The following ANKRD55 variants were observed in gnomAD, a reference collection of about 807,000 sequenced individuals.
ANKRD55 encodes the protein ankyrin repeat domain 55, also known as ankyrin repeat domain-containing protein 55.
Under a neutral mutation model 60.6 loss-of-function variants are expected in ANKRD55, and 41 were observed. That is an observed-to-expected ratio of 0.68 (90% CI 0.53 to 0.88). The LOEUF (loss-of-function observed/expected upper bound fraction) is 0.88, where lower values mean the gene tolerates loss of function less well. Among genes scored for constraint, ANKRD55 ranks in the 40% least tolerant of loss-of-function variants. The pLI, the probability that ANKRD55 is intolerant of heterozygous loss-of-function variation, is 0.00. For missense variants in ANKRD55, 732 were observed against 767.6 expected (o/e 0.95, Z 0.55); for synonymous variants, 264 against 290.3 (o/e 0.91, Z 0.92).
intron 5 of ANKRD55, among the ~76,000 whole-genome samples, chr5:56,167,592 G>T (rs1221199768): frequency 5.3e-5 from 8 of 152,210 alleles, no homozygotes; most frequent in Non-Finnish European, 1.2e-4. Context: ...AAAGCAGCTA[G>T]CATTGCCATA....
chr5:56,208,415 ATTTATTTATTT>A (rs1759570511), intron 2 of ANKRD55, among the ~76,000 whole-genome samples: 1 of 151,022 alleles, frequency 6.6e-6, no homozygotes, highest in Non-Finnish European at 1.5e-5. Context: ...TAAAAAAAAT[ATTTATTTATTT>A]ATTTATTTAT....
In ANKRD55 at chr5:56,139,376, A is replaced by T. The variant is rs537990281; in HGVS notation, c.612+4425T>A. 2.0e-5 allele frequency among the ~76,000 whole-genome samples: 3 copies of T among 152,328 alleles called. No individual in the cohort carries two copies. In the East Asian group the frequency reaches 5.8e-4, roughly 29 times the overall value. On this transcript the variant is annotated intron_variant, in intron 7 of 11. Coordinates refer to ENST00000341048, the MANE Select transcript of ANKRD55 (RefSeq NM_024669.3). Reference sequence around the variant, plus strand: ...CCCTTAGGTCCACAGTCTAGAAGGGAAGACACAGGCACCTCACCAATTTTA... The same window carrying T: ...CCCTTAGGTCCACAGTCTAGAAGGGTAGACACAGGCACCTCACCAATTTTA...
At position 56,220,198 on chromosome 5, in the gene ANKRD55, C is replaced by T. The variant is rs529739177; in HGVS notation, c.58+12658G>A. Among the ~76,000 whole-genome samples, 3 of 152,350 alleles carry T rather than the reference C, an allele frequency of 2.0e-5. No homozygotes were observed. In the East Asian group the frequency reaches 5.8e-4, roughly 29 times the overall value. ...TACTCTGGCAAGAGGCCCCCTCCCC[C>T]AGGACAGTTGGGTGGTCCTGTGGTG... On this transcript the variant is annotated intron_variant, in intron 2 of 11. Coordinates refer to ENST00000341048, the MANE Select transcript of ANKRD55 (RefSeq NM_024669.3).
In ANKRD55 at chr5:56,217,895, C is replaced by CAAA. The variant is rs113477709; in HGVS notation, c.58+14958_58+14960dup. ...TGGGTGACAGAGCGAGACTCCGTCTCAAAAAAAAAAAAAAAAAATTCATGA... is the reference window on the plus strand; with the variant it reads ...TGGGTGACAGAGCGAGACTCCGTCTCAAAAAAAAAAAAAAAAAAAAATTCATGA... On this transcript the variant is annotated intron_variant, in intron 2 of 11. Transcript: ENST00000341048. Among the ~76,000 whole-genome samples, 53 of 76,782 alleles carry CAAA rather than the reference C, an allele frequency of 6.9e-4. 1 individual carries two copies. Among genetic ancestry groups the CAAA allele is most frequent in the African/African-American group, 2.3e-3 (51 of 22,650 alleles). The allele number at this position is 76,782 out of a possible 152,430, so 50.4% of individuals were successfully genotyped here. A position where few individuals can be genotyped will look rare whatever the true frequency, so the allele number is the denominator to read the frequency against.
At chr5:56,193,355 G>C in intron 2 of ANKRD55, 1 of 773,180 alleles carries the variant, frequency 1.3e-6, no homozygotes. Context: ...TCATCCCTTT[G>C]TTTCAGAACA....
intron 2 of ANKRD55, among the ~76,000 whole-genome samples, chr5:56,230,414 A>G (rs1760224449): frequency 1.3e-5 from 2 of 152,200 alleles, no homozygotes; most frequent in South Asian, 2.1e-4. Flanking sequence ...AAGTACAGCC[A>G]ATGTGAGAAC....
intron 2 of ANKRD55, among the ~76,000 whole-genome samples, chr5:56,208,737 T>C (rs546778917): frequency 1.3e-5 from 2 of 152,308 alleles, no homozygotes; most frequent in Non-Finnish European, 2.9e-5. Flanking sequence ...GTGTGCTTTT[T>C]TTAAACAACT....
intron 6 of ANKRD55, among the ~76,000 whole-genome samples, chr5:56,147,629 C>T (rs115856633): frequency 0.034 from 5,127 of 151,652 alleles, 336 homozygotes; most frequent in African/African-American, 0.12. Flanking sequence ...CAAATCAAGA[C>T]CCAAATTACT....
At chr5:56,179,773 C>T (rs1162591343) in intron 3 of ANKRD55, among the ~76,000 whole-genome samples, 5 of 152,122 alleles carry the variant, frequency 3.3e-5, no homozygotes, top group African/African-American at 9.7e-5. Flanking sequence ...TTAGCCACTT[C>T]GAGACTCATT....
chr5:56,181,004 G>A (rs1758838067), intron 3 of ANKRD55, among the ~76,000 whole-genome samples: 1 of 152,112 alleles, frequency 6.6e-6, no homozygotes. Context: ...AGTTTGAGAA[G>A]AGCCTGGGCA....
chr5:56,120,705 C>T (rs1407732685), intron 8 of ANKRD55, among the ~76,000 whole-genome samples: 30 of 152,010 alleles, frequency 2.0e-4, no homozygotes, highest in Non-Finnish European at 5.9e-5. Flanking sequence ...CGAGACCATC[C>T]TGGCTAACAC....
intron 2 of ANKRD55, among the ~76,000 whole-genome samples, chr5:56,226,010 G>T (rs160002): frequency 0.33 from 50,514 of 151,996 alleles, 9,367 homozygotes; most frequent in East Asian, 0.84. Flanking sequence ...CCAAAAAAGA[G>T]CCCACATTGC....
chr5:56,119,225 TG>T (rs1476545161), intron 8 of ANKRD55, among the ~76,000 whole-genome samples: 6 of 152,336 alleles, frequency 3.9e-5, no homozygotes, highest in African/African-American at 1.4e-4. Context: ...CCAGTAGTAC[TG>T]GAATACTACT....
At chr5:56,166,086 T>TTTTTCTTTCTTTCTTTCTTTCTTTC (rs1554040774) in intron 5 of ANKRD55, among the ~76,000 whole-genome samples, 12 of 91,840 alleles carry the variant, frequency 1.3e-4, no homozygotes, top group East Asian at 6.8e-4. Flanking sequence ...TTTCTTTTCT[T>TTTTTCTTTCTTTCTTTCTTTCTTTC]TTTCTTTCTT....
chr5:56,147,192 G>A (rs184293), intron 6 of ANKRD55, among the ~76,000 whole-genome samples: 1 of 152,178 alleles, frequency 6.6e-6, no homozygotes, highest in South Asian at 2.1e-4. Flanking sequence ...CTATTTTACA[G>A]GCAAGGAAAC....
chr5:56,169,533 T>A (rs1303067259), intron 5 of ANKRD55, among the ~76,000 whole-genome samples: 1 of 152,148 alleles, frequency 6.6e-6, no homozygotes, highest in Admixed American at 6.5e-5. Flanking sequence ...CATCCTTGTT[T>A]TGTTGGGCTT....
chr5:56,223,761 T>C (rs1264408276), intron 2 of ANKRD55, among the ~76,000 whole-genome samples: 1 of 152,096 alleles, frequency 6.6e-6, no homozygotes, highest in Admixed American at 6.5e-5. Flanking sequence ...TACATAATGA[T>C]AAAGGGATCA....
chr5:56,137,166 A>C, intron 7 of ANKRD55: 2 of 1,521,786 alleles, frequency 1.3e-6, no homozygotes, highest in Non-Finnish European at 1.8e-6. Context: ...GTGACGTTAC[A>C]GTGGTGGAGT....
intron 2 of ANKRD55, among the ~76,000 whole-genome samples, chr5:56,211,495 C>T (rs950566064): frequency 6.6e-6 from 1 of 152,146 alleles, no homozygotes; most frequent in African/African-American, 2.4e-5. Context: ...AGTGACTTAT[C>T]CAAACTTGCA....
Sources: allele counts gnomAD v4.1 joint callset (sites outside exome capture counted in the v4.1 genomes callset), GRCh38; gene constraint gnomAD v4.1.1; transcripts MANE v1.5; gene names NCBI Gene and HGNC (gene_info 2026-07-23, HGNC 2026-07-21).